Variants in PIK3AP1 observed in about 807,000 individuals in gnomAD.
PIK3AP1 encodes phosphoinositide-3-kinase adaptor protein 1.
A neutral mutation model predicts 88.1 loss-of-function variants in PIK3AP1; 21 were observed. The ratio of observed to expected loss-of-function variants is 0.24; its 90% CI spans 0.17 to 0.34. The LOEUF (loss-of-function observed/expected upper bound fraction) is 0.34. PIK3AP1 is among the 10% of genes least tolerant of loss of function. The probability of loss-of-function intolerance (pLI) is 1.00; values close to 1 mark genes in which losing one functional copy is unlikely to be tolerated. For synonymous variants in PIK3AP1, 398 were observed against 400.0 expected (o/e 1.00, Z 0.06); for missense variants, 828 against 1,035.7 (o/e 0.80, Z 2.75).
intron 13 of PIK3AP1, among the ~76,000 whole-genome samples, chr10:96,615,976 T>A (rs1849209072): frequency 1.3e-5 from 2 of 152,212 alleles, no homozygotes; most frequent in Non-Finnish European, 2.9e-5. Context: ...CCTCTTGCTA[T>A]AAGGCTGGCC....
At chr10:96,687,255 CAAAAAAAAAAAAAAAAAAA>C (rs59631566) in intron 2 of PIK3AP1, among the ~76,000 whole-genome samples, 2 of 55,306 alleles carry the variant, frequency 3.6e-5, no homozygotes, top group African/African-American at 7.6e-5. Context: ...TACTCCATCT[CAAAAAAAAAAAAAAAAAAA>C]AAAAAAAAAA....
At position 96,651,599 on chromosome 10, in the gene PIK3AP1, C is replaced by T; in HGVS notation, c.765G>A (p.Val255=). ...SLKIYSGDLV[V]CETVISYYTD... is the part of the protein sequence containing the mutation. ...TATAATAGCTGATAACGGTTTCACACACCACTAAGTCTCCAGAATATATCT... is the reference window on the plus strand; with the variant it reads ...TATAATAGCTGATAACGGTTTCACATACCACTAAGTCTCCAGAATATATCT... The change falls in exon 5 of 17, where the codon GTG becomes GTA. Residue 255 remains valine, a synonymous_variant. Coordinates refer to ENST00000339364, the MANE Select transcript of PIK3AP1 (RefSeq NM_152309.3). The T allele has an allele frequency of 6.2e-7, 1 of 1,614,148 alleles. No individual in the cohort carries two copies. Among genetic ancestry groups the T allele is most frequent in the Non-Finnish European group, 8.5e-7 (1 of 1,179,998 alleles).
chr10:96,707,454 A>C (rs1844379072), intron 2 of PIK3AP1, among the ~76,000 whole-genome samples: 1 of 152,020 alleles, frequency 6.6e-6, no homozygotes, highest in Non-Finnish European at 1.5e-5. Flanking sequence ...CATCACGACT[A>C]GCTAATTTTT....
At chr10:96,608,286 T>C (rs925362554) in intron 14 of PIK3AP1, among the ~76,000 whole-genome samples, 1 of 152,216 alleles carries the variant, frequency 6.6e-6, no homozygotes, top group South Asian at 2.1e-4. Flanking sequence ...GAGACAGAGA[T>C]AGCCACCTGT....
intron 6 of PIK3AP1, among the ~76,000 whole-genome samples, chr10:96,650,249 C>T (rs4919049): frequency 0.98 from 149,562 of 152,326 alleles, 73,462 homozygotes; most frequent in East Asian, 1. Flanking sequence ...TGTAAACTCA[C>T]CCTTATGGTT....
intron 2 of PIK3AP1, among the ~76,000 whole-genome samples, chr10:96,704,005 A>T (rs1453943480): frequency 6.6e-6 from 1 of 152,208 alleles, no homozygotes; most frequent in Non-Finnish European, 1.5e-5. Context: ...AACCTCCAAA[A>T]CATATTTTAG....
chr10:96,610,609 C>T lies in PIK3AP1; in HGVS notation c.2015-742G>A, dbSNP rs184039627. On this transcript the variant is annotated intron_variant, in intron 13 of 16. Transcript: ENST00000339364. ...CGAAAGCTAATGAAAGGAGGTCCTT[C>T]AGGCCTATGAAAGATTTTGTGACTT... Among the ~76,000 whole-genome samples the T allele has an allele frequency of 6.1e-3, 923 of 152,246 alleles. 6 individuals are homozygous for T. The highest frequency in any genetic ancestry group is 8.4e-3 in the Non-Finnish European group (574 of 68,028).
chr10:96,656,543 C>G (rs1342579092), intron 3 of PIK3AP1, among the ~76,000 whole-genome samples: 1 of 152,140 alleles, frequency 6.6e-6, no homozygotes, highest in Non-Finnish European at 1.5e-5. Context: ...CCTAGGTGCT[C>G]TACGTTATTA....
chr10:96,673,874 A>G (rs1353702348), intron 2 of PIK3AP1, among the ~76,000 whole-genome samples: 1 of 152,224 alleles, frequency 6.6e-6, no homozygotes, highest in Non-Finnish European at 1.5e-5. Flanking sequence ...TCAAAGTCCC[A>G]GGAAAGGCTG....
chr10:96,713,288 G>A (rs758668674), intron 1 of PIK3AP1, among the ~76,000 whole-genome samples: 2 of 151,332 alleles, frequency 1.3e-5, no homozygotes, highest in African/African-American at 4.9e-5. Flanking sequence ...ACGAGGTCAG[G>A]AGATCAAAAC....
intron 8 of PIK3AP1, among the ~76,000 whole-genome samples, chr10:96,628,986 C>T (rs567787099): frequency 5.2e-4 from 77 of 147,172 alleles, no homozygotes; most frequent in South Asian, 1.7e-3. Flanking sequence ...ACAGCACACT[C>T]CAGCCTCGAA....
intron 1 of PIK3AP1, among the ~76,000 whole-genome samples, chr10:96,711,537 A>G (rs965640883): frequency 6.6e-6 from 1 of 152,206 alleles, no homozygotes; most frequent in Non-Finnish European, 1.5e-5. Flanking sequence ...ATTAAACGCT[A>G]GGCCTGGGCC....
intron 2 of PIK3AP1, among the ~76,000 whole-genome samples, chr10:96,695,168 G>T (rs2134277664): frequency 6.6e-6 from 1 of 152,234 alleles, no homozygotes; most frequent in East Asian, 1.9e-4. Flanking sequence ...TTTGAGCAAG[G>T]ATATTCAGAA....
At position 96,623,528 on chromosome 10, in the gene PIK3AP1, T is replaced by G; in HGVS notation, c.1679A>C (p.Glu560Ala). 6.2e-7 allele frequency: 1 copy of G among 1,607,644 alleles called. No homozygotes were observed. Among genetic ancestry groups the G allele is most frequent in the Non-Finnish European group, 8.5e-7 (1 of 1,174,708 alleles). ...ATTCCCAGGCCGCTCTTGACTTTTT[T>G]CTGCAAAAACTATGAGATAAAGAAT... The part of the protein sequence containing the change: ...NEPYIFKVFA[E>A]KSQERPGNFY... Residue 560 changes from glutamate (E) to alanine (A), a missense_variant, in exon 11 of 17, where the codon GAA (glutamate) becomes GCA (alanine). Around this residue, in one of 3 missense-constraint regions of PIK3AP1, gnomAD observed 610 missense variants for 760.1 expected, o/e 0.80. Transcript: ENST00000339364.
chr10:96,598,787 G>A (rs1368071400), intron 16 of PIK3AP1, among the ~76,000 whole-genome samples: 1 of 152,218 alleles, frequency 6.6e-6, no homozygotes. Flanking sequence ...CTAAGCAAGA[G>A]TAGAAGGGAG....
At chr10:96,665,917 T>C (rs1327153720) in intron 2 of PIK3AP1, among the ~76,000 whole-genome samples, 1 of 152,126 alleles carries the variant, frequency 6.6e-6, no homozygotes, top group Non-Finnish European at 1.5e-5. Flanking sequence ...TCCCCACAGA[T>C]TGGCGAGTAC....
intron 13 of PIK3AP1, among the ~76,000 whole-genome samples, chr10:96,614,815 A>C (rs1849186959): frequency 6.6e-6 from 1 of 151,968 alleles, no homozygotes; most frequent in South Asian, 2.1e-4. Context: ...AGCCTTCTAG[A>C]ACTCCATCAC....
At position 96,628,384 on chromosome 10, in the gene PIK3AP1, T is replaced by C. The variant is rs771532503; in HGVS notation, c.1471+14A>G. The C allele has an allele frequency of 5.1e-6, 8 of 1,575,778 alleles. No homozygotes were observed. Among genetic ancestry groups the C allele is most frequent in the South Asian group, 1.1e-5 (1 of 90,258 alleles). ...TTTGCTCTTTTGGCTTCCCTGCTCATGGCTATGACTTACCTTCTAAAAACT... is the reference window on the plus strand; with the variant it reads ...TTTGCTCTTTTGGCTTCCCTGCTCACGGCTATGACTTACCTTCTAAAAACT... On this transcript the variant is annotated intron_variant, in intron 9 of 16. Coordinates refer to ENST00000339364, the MANE Select transcript of PIK3AP1 (RefSeq NM_152309.3).
intron 2 of PIK3AP1, among the ~76,000 whole-genome samples, chr10:96,694,169 T>A (rs114280379): frequency 6.6e-6 from 1 of 152,160 alleles, no homozygotes; most frequent in African/African-American, 2.4e-5. Flanking sequence ...TACCTCTGGA[T>A]ACTCCTGGCA....
Sources: allele counts gnomAD v4.1 joint callset (sites outside exome capture counted in the v4.1 genomes callset), GRCh38; gene constraint gnomAD v4.1.1; regional missense constraint gnomAD v4.1.1; transcripts MANE v1.5; gene names NCBI Gene and HGNC (gene_info 2026-07-23, HGNC 2026-07-21).